The following IGSF9B variants were observed in gnomAD, a reference collection of about 807,000 sequenced individuals.
IGSF9B encodes immunoglobulin superfamily member 9B, also known as protein turtle homolog B.
In IGSF9B, 48 loss-of-function variants were observed where a neutral mutation model predicts 143.7. The ratio of observed to expected loss-of-function variants is 0.33; its 90% CI spans 0.26 to 0.42. The LOEUF is 0.42. Ranked by LOEUF, IGSF9B falls within the 20% of genes least tolerant of loss-of-function variation. The pLI is 1.00. For missense variants in IGSF9B, 1,706 were observed against 1,980.0 expected (o/e 0.86, Z 2.63); for synonymous variants, 903 against 833.1 (o/e 1.08, Z -1.44).
chr11:133,934,067 C>T (rs1173436454), intron 7 of IGSF9B, among the ~76,000 whole-genome samples: 1 of 150,734 alleles, frequency 6.6e-6, no homozygotes, highest in Non-Finnish European at 1.5e-5. Context: ...AAATAAAAAT[C>T]CTTGTCTCAC....
intron 18 of IGSF9B, among the ~76,000 whole-genome samples, chr11:133,914,419 G>C (rs1294858415): frequency 2.6e-5 from 4 of 152,222 alleles, no homozygotes; most frequent in Admixed American, 6.5e-5. Context: ...GATCTGCCTT[G>C]CAACGTACTT....
At chr11:133,949,925 C>A (rs1338296567) in intron 1 of IGSF9B, among the ~76,000 whole-genome samples, 1 of 152,228 alleles carries the variant, frequency 6.6e-6, no homozygotes, top group African/African-American at 2.4e-5. Flanking sequence ...TAGCGGTGCC[C>A]AGAACCTAGT....
At chr11:133,943,013 C>T (rs1322050457) in intron 3 of IGSF9B, among the ~76,000 whole-genome samples, 1 of 152,192 alleles carries the variant, frequency 6.6e-6, no homozygotes, top group East Asian at 1.9e-4. Context: ...GACAAGTTCT[C>T]AGACCCAAAA....
intron 1 of IGSF9B, 101 bp from the exon 2 acceptor site, chr11:133,946,359 G>C (rs1306394357): frequency 3.9e-6 from 4 of 1,017,074 alleles, no homozygotes; most frequent in Non-Finnish European, 5.8e-6. Context: ...CCCCCCACCA[G>C]CTGCCCTCCA....
rs561254256 is a variant in IGSF9B, at chr11:133,928,898, A to G, written c.1631+773T>C. Among the ~76,000 whole-genome samples the G allele has an allele frequency of 1.9e-4, 29 of 152,340 alleles. No individual in the cohort carries two copies. The highest frequency in any genetic ancestry group is 4.0e-4 in the Non-Finnish European group (27 of 68,038). ...ACACATGGTCCTAGAGAGAAAATGC[A>G]GGGGCTGACCCCAAGGCTGGGAAGT... is the stretch of plus-strand genomic sequence containing the variant. On this transcript the variant is annotated intron_variant, in intron 12 of 19. Coordinates refer to ENST00000533871, the MANE Select transcript of IGSF9B (RefSeq NM_001277285.4). This position sits in a 1 kb window ranked among gnomAD's most constrained non-coding sequence, Gnocchi z 4.7.
chr11:133,950,645 C>A (rs956124823), intron 1 of IGSF9B, among the ~76,000 whole-genome samples: 2 of 152,206 alleles, frequency 1.3e-5, no homozygotes, highest in African/African-American at 4.8e-5. Context: ...CAACTCCAAC[C>A]CCACACTGGG....
Position 133,931,316 on chromosome 11 carries a change from A to C in IGSF9B, c.1368+137T>G. 1.2e-6 allele frequency: 1 copy of C among 851,232 alleles called. No individual in the cohort carries two copies. The highest frequency in any genetic ancestry group is 1.8e-6 in the Non-Finnish European group (1 of 543,446). The allele number at this position is 851,232 out of a possible 1,614,324, so 52.7% of individuals were successfully genotyped here. A position where few individuals can be genotyped will look rare whatever the true frequency, so the allele number is the denominator to read the frequency against. ...CATCTAGCCTGGTCAGGGCAGGTCC[A>C]GAATAGAACTGCTCGCTGGGCCCTC... On this transcript the variant is annotated intron_variant, in intron 10 of 19. Coordinates refer to ENST00000533871, the MANE Select transcript of IGSF9B (RefSeq NM_001277285.4). The surrounding 1 kb of genome is among the most constrained non-coding windows in gnomAD (Gnocchi z 7.7).
At chr11:133,951,716 G>A (rs1236779330) in intron 1 of IGSF9B, among the ~76,000 whole-genome samples, 1 of 152,180 alleles carries the variant, frequency 6.6e-6, no homozygotes, top group African/African-American at 2.4e-5. Flanking sequence ...GCAGAGGCCT[G>A]CCCGGCACTC....
intron 12 of IGSF9B, among the ~76,000 whole-genome samples, chr11:133,929,202 A>C (rs771795782): frequency 6.6e-6 from 1 of 152,170 alleles, no homozygotes; most frequent in African/African-American, 2.4e-5. Context: ...CTGCATGCCT[A>C]TATCAAAATA....
rs961165168 is a variant in IGSF9B, at chr11:133,928,831, A to G, written c.1631+840T>C. Among the ~76,000 whole-genome samples, 2 of 152,222 alleles carry G rather than the reference A, an allele frequency of 1.3e-5. No individual in the cohort carries two copies. The highest frequency in any genetic ancestry group is 4.8e-5 in the African/African-American group (2 of 41,462). ...TTGCGCAAAGACCTCATATGACTGC[A>G]TCTGGCTAAACTGACAACAGAGGAA... On this transcript the variant is annotated intron_variant, in intron 12 of 19. Transcript: ENST00000533871. The surrounding 1 kb of genome is among the most constrained non-coding windows in gnomAD (Gnocchi z 4.7).
At position 133,902,002 on chromosome 11, in the gene IGSF9B, AC is replaced by A. The variant is rs1421825762; in HGVS notation, c.*7066del. On this transcript the variant is annotated 3_prime_UTR_variant, in exon 20 of 20. Transcript: ENST00000533871. The stretch of plus-strand genomic sequence containing the variant: ...TGCACACCAGACACATCACACACAC[AC>A]ACACACCAGACATACACACACCATA... 7.9e-6 allele frequency among the ~76,000 whole-genome samples: 1 copy of A among 126,986 alleles called. No individual in the cohort carries two copies. Among genetic ancestry groups the A allele is most frequent in the African/African-American group, 3.4e-5 (1 of 29,784 alleles). 83.3% of individuals were successfully genotyped at this position (126,986 alleles called of 152,430 possible).
intron 12 of IGSF9B, 110 bp downstream of exon 12, chr11:133,929,561 G>A (rs1459119384): frequency 2.7e-6 from 2 of 740,820 alleles, no homozygotes; most frequent in East Asian, 2.6e-5. Flanking sequence ...TGGCAGGCCA[G>A]GAACTGCAGC....
rs750665355 is a variant in IGSF9B, at chr11:133,920,733, A to G, written c.2992T>C (p.Ser998Pro). The change falls in exon 18 of 20, where the codon TCC becomes CCC. Residue 998 changes from serine to proline, a missense_variant. By Grantham distance (74) the Ser-to-Pro change is moderately conservative. Around this residue, in one of 7 missense-constraint regions of IGSF9B, gnomAD observed 880 missense variants for 762.9 expected, o/e 1.15. Coordinates refer to ENST00000533871, the MANE Select transcript of IGSF9B (RefSeq NM_001277285.4). ...GGCCCCTCGGTGGGCAGGGGCGGGG[A>G]CGACATGACGGAGCTCAGGGGGCTG... ...VGSPLSSVMS[S>P]PPLPTEGPFG... The G allele has an allele frequency of 6.2e-7, 1 of 1,612,416 alleles. No homozygotes were observed. The highest frequency in any genetic ancestry group is 8.5e-7 in the Non-Finnish European group (1 of 1,179,426).
chr11:133,935,007 G>A (rs938234719), intron 7 of IGSF9B, among the ~76,000 whole-genome samples: 3 of 152,234 alleles, frequency 2.0e-5, no homozygotes, highest in African/African-American at 4.8e-5. Flanking sequence ...AGCAACTGGC[G>A]GCTCAGTATT....
chr11:133,933,769 C>T (rs1355983149), intron 7 of IGSF9B, among the ~76,000 whole-genome samples: 1 of 152,094 alleles, frequency 6.6e-6, no homozygotes, highest in East Asian at 1.9e-4. Flanking sequence ...ACGAGAACCC[C>T]ACACCTCTTG....
intron 1 of IGSF9B, among the ~76,000 whole-genome samples, chr11:133,954,897 G>A (rs1185567100): frequency 1.3e-5 from 2 of 152,304 alleles, no homozygotes; most frequent in East Asian, 3.9e-4. Flanking sequence ...TTCATGCCAG[G>A]CAGCCTTCAA....
At position 133,928,722 on chromosome 11, in the gene IGSF9B, G is replaced by A. The variant is rs544430205; in HGVS notation, c.1631+949C>T. 6.6e-6 allele frequency among the ~76,000 whole-genome samples: 1 copy of A among 151,948 alleles called. No homozygotes were observed. The highest frequency in any genetic ancestry group is 2.1e-4 in the South Asian group (1 of 4,806). The stretch of plus-strand genomic sequence containing the variant: ...CAGCCCTTGGGGGTGGGAGGAGTCA[G>A]CTAGGCTTCCTTCTCCTCCCTTCCT... On this transcript the variant is annotated intron_variant, in intron 12 of 19. Coordinates refer to ENST00000533871, the MANE Select transcript of IGSF9B (RefSeq NM_001277285.4). The surrounding 1 kb of genome is among the most constrained non-coding windows in gnomAD (Gnocchi z 4.7).
In IGSF9B at chr11:133,945,227, C is replaced by T. The variant is rs546241718; in HGVS notation, c.262+834G>A. On this transcript the variant is annotated intron_variant, in intron 2 of 19. Transcript: ENST00000533871. This position sits in a 1 kb window ranked among gnomAD's most constrained non-coding sequence, Gnocchi z 4.6. ...CGCAGCCAATATCACCACACCTCTG[C>T]TCTCCTCCTCGTCCTGATGCTGGCA... Among the ~76,000 whole-genome samples the T allele has an allele frequency of 7.2e-4, 109 of 152,324 alleles. No individual in the cohort carries two copies. Among genetic ancestry groups the T allele is most frequent in the Non-Finnish European group, 1.4e-3 (96 of 68,030 alleles).
Position 133,931,219 on chromosome 11 carries a change from T to C in IGSF9B, c.1369-85A>G. On this transcript the variant is annotated intron_variant, in intron 10 of 19. Transcript: ENST00000533871. The surrounding 1 kb of genome is among the most constrained non-coding windows in gnomAD (Gnocchi z 7.7). ...CCGAAGCAGATGGGGAGGACGCGCC[T>C]GAGACCCCGGCCCGCCCACGCTGCC... 3 of 1,410,350 alleles carry C rather than the reference T, an allele frequency of 2.1e-6. No individual in the cohort carries two copies. Among genetic ancestry groups the C allele is most frequent in the Non-Finnish European group, 2.9e-6 (3 of 1,025,496 alleles). 87.4% of individuals were successfully genotyped at this position (1,410,350 alleles called of 1,614,324 possible).
Sources: gnomAD v4.1 joint callset for allele counts (sites outside exome capture counted in the v4.1 genomes callset) on GRCh38, gnomAD v4.1.1 for gene constraint, gnomAD v4.1.1 regional missense constraint, Gnocchi (gnomAD v3.1) non-coding constraint, MANE v1.5 for transcripts, NCBI Gene and HGNC (gene_info 2026-07-23, HGNC 2026-07-21) for gene names.